The following MAST4 variants were observed in gnomAD, a reference collection of about 807,000 sequenced individuals.
MAST4 encodes microtubule associated serine/threonine kinase family member 4.
A neutral mutation model predicts 162.7 loss-of-function variants in MAST4; 89 were observed. The observed-to-expected ratio is 0.55, with a 90% CI of 0.46 to 0.65. MAST4 has a LOEUF of 0.65. Among genes scored for constraint, MAST4 ranks in the 30% least tolerant of loss-of-function variants. The pLI, the probability that MAST4 is intolerant of heterozygous loss-of-function variation, is 0.00. For missense variants in MAST4, 3,153 were observed against 3,374.0 expected (o/e 0.93, Z 1.62); for synonymous variants, 1,479 against 1,361.1 (o/e 1.09, Z -1.91).
At chr5:67,120,349 G>C (rs1488039667) in intron 13 of MAST4, among the ~76,000 whole-genome samples, 1 of 152,210 alleles carries the variant, frequency 6.6e-6, no homozygotes, top group Non-Finnish European at 1.5e-5. Context: ...GGGAATTCTG[G>C]ACTCTTGCAG....
At chr5:66,721,354 C>G (rs915515027) in intron 1 of MAST4, among the ~76,000 whole-genome samples, 9 of 152,130 alleles carry the variant, frequency 5.9e-5, no homozygotes, top group African/African-American at 1.9e-4. Flanking sequence ...ATAATCACCG[C>G]TCTCCACTGG....
At chr5:66,720,162 A>G (rs1751104226) in intron 1 of MAST4, among the ~76,000 whole-genome samples, 1 of 106,526 alleles carries the variant, frequency 9.4e-6, no homozygotes, top group African/African-American at 4.5e-5. Context: ...AAATTTTTTT[A>G]TCAGGAATGA....
chr5:66,643,642 C>T (rs1471294380), intron 1 of MAST4, among the ~76,000 whole-genome samples: 1 of 152,044 alleles, frequency 6.6e-6, no homozygotes, highest in Non-Finnish European at 1.5e-5. Context: ...TTTTTCTATG[C>T]CAGATTTTCC....
chr5:67,097,694 C>T (rs933566883), intron 7 of MAST4, among the ~76,000 whole-genome samples: 9 of 152,032 alleles, frequency 5.9e-5, no homozygotes, highest in East Asian at 5.8e-4. Flanking sequence ...TTATTGAAGA[C>T]GTTAGTATCA....
intron 4 of MAST4, among the ~76,000 whole-genome samples, chr5:66,974,854 G>A (rs1429189177): frequency 6.6e-6 from 1 of 152,152 alleles, no homozygotes; most frequent in East Asian, 1.9e-4. Context: ...TTCTATTCTA[G>A]CTGAGATGAT....
chr5:66,729,808 A>G lies in MAST4; in HGVS notation c.364-29901A>G, dbSNP rs139042287. Among the ~76,000 whole-genome samples, 41 of 152,322 alleles carry G rather than the reference A, an allele frequency of 2.7e-4. No individual in the cohort carries two copies. In the East Asian group the frequency reaches 7.1e-3, roughly 27 times the overall value. ...AATATTGTCATTGTCCATAACTGAT[A>G]ATAGGTAACAGAACTTATTTAAAAT... On this transcript the variant is annotated intron_variant, in intron 1 of 28. Coordinates refer to ENST00000403625, the MANE Select transcript of MAST4 (RefSeq NM_001164664.2).
At chr5:66,920,018 C>G (rs1443584707) in intron 4 of MAST4, among the ~76,000 whole-genome samples, 1 of 147,898 alleles carries the variant, frequency 6.8e-6, no homozygotes, top group Non-Finnish European at 1.5e-5. Context: ...AACAAGGATG[C>G]TTTTAATGAT....
chr5:67,035,956 C>T (rs1350669033), intron 4 of MAST4, among the ~76,000 whole-genome samples: 1 of 152,044 alleles, frequency 6.6e-6, no homozygotes, highest in Admixed American at 6.6e-5. Flanking sequence ...GAAAGCAGAC[C>T]CCTCTAGGCT....
chr5:66,930,729 G>A, intron 4 of MAST4: 1 of 470,798 alleles, frequency 2.1e-6, no homozygotes, highest in Non-Finnish European at 4.4e-6. Flanking sequence ...CATTCTATCT[G>A]GGTTCACTGT....
chr5:67,166,975 A>G lies in MAST4; in HGVS notation c.7796A>G (p.Asn2599Ser). 3 of 1,612,636 alleles carry G rather than the reference A, an allele frequency of 1.9e-6. No individual in the cohort carries two copies. The highest frequency in any genetic ancestry group is 2.5e-6 in the Non-Finnish European group (3 of 1,179,706). Residue 2599 changes from asparagine to serine, a missense_variant, in exon 29 of 29, where the codon AAT becomes AGT. Asn to Ser is a conservative substitution (Grantham distance 46). Transcript: ENST00000403625. The stretch of plus-strand genomic sequence containing the variant: ...ACTGACCGCCCCATCTCTCTTTCTA[A>G]TGAGAAGGACTTTGTGGTACGGCAG... ...PNTDRPISLS[N>S]EKDFVVRQRR...
chr5:66,781,291 G>A (rs1754858772), intron 2 of MAST4, among the ~76,000 whole-genome samples: 1 of 152,228 alleles, frequency 6.6e-6, no homozygotes, highest in Non-Finnish European at 1.5e-5. Context: ...CAGGTTAGTG[G>A]TGGGTGTAAA....
At chr5:66,953,430 A>G (rs1379500662) in intron 4 of MAST4, among the ~76,000 whole-genome samples, 3 of 152,094 alleles carry the variant, frequency 2.0e-5, no homozygotes, top group Non-Finnish European at 4.4e-5. Flanking sequence ...GCAGTGGTGA[A>G]GCTTATTTTG....
chr5:66,993,929 CCCA>C (rs1214297191), intron 4 of MAST4, among the ~76,000 whole-genome samples: 5 of 99,456 alleles, frequency 5.0e-5, no homozygotes, highest in Admixed American at 1.1e-4. Context: ...GACCCCCCCC[CCCA>C]CCCCACCAAA....
intron 6 of MAST4, among the ~76,000 whole-genome samples, chr5:67,091,564 C>G (rs1179105799): frequency 6.6e-6 from 1 of 152,066 alleles, no homozygotes; most frequent in African/African-American, 2.4e-5. Context: ...GAAAGAATAT[C>G]CTATAAAAAT....
At chr5:66,733,560 C>G (rs995316033) in intron 1 of MAST4, among the ~76,000 whole-genome samples, 1 of 152,074 alleles carries the variant, frequency 6.6e-6, no homozygotes, top group Non-Finnish European at 1.5e-5. Context: ...CGGGTTCAAG[C>G]AATTATCCTG....
intron 3 of MAST4, among the ~76,000 whole-genome samples, chr5:66,881,579 C>T (rs560247501): frequency 2.7e-4 from 41 of 152,262 alleles, no homozygotes; most frequent in African/African-American, 8.7e-4. Context: ...TTTAAAAAAT[C>T]GGTGAATTAT....
intron 4 of MAST4, among the ~76,000 whole-genome samples, chr5:67,046,507 A>G (rs1426969369): frequency 6.6e-6 from 1 of 152,188 alleles, no homozygotes; most frequent in African/African-American, 2.4e-5. Context: ...TATACTTTAA[A>G]CACTTTGAAA....
At chr5:66,817,065 CT>C (rs1756764785) in intron 3 of MAST4, among the ~76,000 whole-genome samples, 1 of 152,160 alleles carries the variant, frequency 6.6e-6, no homozygotes, top group African/African-American at 2.4e-5. Context: ...CCTGGAGTAT[CT>C]TGTCCTGGGT....
At chr5:67,097,415 A>G (rs1764587513) in intron 7 of MAST4, among the ~76,000 whole-genome samples, 1 of 152,088 alleles carries the variant, frequency 6.6e-6, no homozygotes, top group Non-Finnish European at 1.5e-5. Flanking sequence ...AGACTGTTTA[A>G]CTGAGTGACT....
Sources: allele counts gnomAD v4.1 joint callset (sites outside exome capture counted in the v4.1 genomes callset), GRCh38; gene constraint gnomAD v4.1.1; transcripts MANE v1.5; gene names NCBI Gene and HGNC (gene_info 2026-07-23, HGNC 2026-07-21).